EXOC4: variants seen among roughly 807,000 people sequenced by gnomAD.
The protein encoded by EXOC4 is SEC8-like 1.
In EXOC4, 71 loss-of-function variants were observed where a neutral mutation model predicts 107.2. The observed-to-expected ratio is 0.66, with a 90% confidence interval of 0.55 to 0.81. EXOC4 has a LOEUF of 0.81. Among genes scored for constraint, EXOC4 ranks in the 30% least tolerant of loss-of-function variants. EXOC4 has a pLI of 0.00. For synonymous variants in EXOC4, 456 were observed against 441.2 expected (o/e 1.03, Z -0.42); for missense variants, 1,108 against 1,189.6 (o/e 0.93, Z 1.01).
At chr7:133,634,613 C>T (rs1029460533) in intron 10 of EXOC4, among the ~76,000 whole-genome samples, 5 of 152,164 alleles carry the variant, frequency 3.3e-5, no homozygotes, top group Admixed American at 2.0e-4. Context: ...CCTCAGCCTC[C>T]CAGATAGCTG....
intron 10 of EXOC4, among the ~76,000 whole-genome samples, chr7:133,707,036 T>C (rs1794782752): frequency 6.6e-6 from 1 of 151,946 alleles, no homozygotes; most frequent in African/African-American, 2.4e-5. Context: ...CCAGAGCTCT[T>C]GTAAGACATG....
At chr7:133,659,584 C>T (rs998579413) in intron 10 of EXOC4, among the ~76,000 whole-genome samples, 1 of 152,148 alleles carries the variant, frequency 6.6e-6, no homozygotes, top group Non-Finnish European at 1.5e-5. Flanking sequence ...GCATCAAAAT[C>T]AGCAGGGGTT....
intron 11 of EXOC4, among the ~76,000 whole-genome samples, chr7:133,817,905 T>A (rs1797413119): frequency 6.6e-6 from 1 of 152,232 alleles, no homozygotes. Context: ...GAAGCTATGA[T>A]GCCCAACTTC....
chr7:133,778,000 C>G (rs1796381947), intron 10 of EXOC4, among the ~76,000 whole-genome samples: 1 of 152,184 alleles, frequency 6.6e-6, no homozygotes, highest in African/African-American at 2.4e-5. Context: ...TAGTAACATT[C>G]ATTCTCCGTC....
At position 134,000,890 on chromosome 7, in the gene EXOC4, A is replaced by C. The variant is rs1359656507; in HGVS notation, c.2348+3257A>C. On this transcript the variant is annotated intron_variant, in intron 15 of 17. Transcript: ENST00000253861. ...AAAGTCCAGAACAACTTCAGATGCC[A>C]AAAATTGGTCTTGTTCCCCCAAATA... Among the ~76,000 whole-genome samples the C allele has an allele frequency of 2.0e-5, 3 of 152,210 alleles. No homozygotes were observed. The East Asian group carries it at 5.8e-4, about 29-fold the overall frequency.
intron 9 of EXOC4, chr7:133,576,480 C>G (rs879221300): frequency 7.8e-7 from 1 of 1,279,480 alleles, no homozygotes; most frequent in African/African-American, 1.5e-5. Flanking sequence ...GGGCATCTGT[C>G]GGTTGCATTT....
At chr7:133,278,398 TAC>T (rs956139276) in intron 2 of EXOC4, among the ~76,000 whole-genome samples, 8 of 152,120 alleles carry the variant, frequency 5.3e-5, no homozygotes, top group African/African-American at 1.9e-4. Context: ...TAAGAAGTGC[TAC>T]ACACACCCCC....
chr7:133,529,758 G>A (rs1475899421), intron 9 of EXOC4, among the ~76,000 whole-genome samples: 1 of 152,216 alleles, frequency 6.6e-6, no homozygotes, highest in African/African-American at 2.4e-5. Flanking sequence ...CAAAAAGAAA[G>A]ATAAGAGGAA....
intron 17 of EXOC4, among the ~76,000 whole-genome samples, chr7:134,036,183 C>T (rs1461279024): frequency 2.0e-5 from 3 of 152,078 alleles, no homozygotes; most frequent in African/African-American, 4.8e-5. Context: ...TAATGACAAA[C>T]GTAATTCAGA....
Position 133,475,398 on chromosome 7 carries a change from A to C in EXOC4, c.1253A>C (p.Tyr418Ser), listed in dbSNP as rs768596052. 4 of 1,614,126 alleles carry C rather than the reference A, an allele frequency of 2.5e-6. No individual in the cohort carries two copies. In the Admixed American group the frequency reaches 5.0e-5, roughly 20 times the overall value. ...TCTGAACCATCAGCTCAACTAAGCT[A>C]TGCCAGCACTGGACGAGAGTTTGCA... is the stretch of plus-strand genomic sequence containing the variant. Reference protein sequence around the residue: ...TASEPSAQLSYASTGREFAAF... With the variant: ...TASEPSAQLSSASTGREFAAF... The change falls in exon 8 of 18, where the codon TAT becomes TCT. Residue 418 changes from tyrosine to serine, a missense_variant. Transcript: ENST00000253861.
chr7:133,401,818 C>T (rs1053230341), intron 7 of EXOC4, among the ~76,000 whole-genome samples: 2 of 151,832 alleles, frequency 1.3e-5, no homozygotes, highest in Non-Finnish European at 2.9e-5. Context: ...ACCTTTTAAT[C>T]TATTCCTGAA....
In EXOC4 at chr7:133,569,146, A is replaced by G. The variant is rs139622888; in HGVS notation, c.1418-60899A>G. Among the ~76,000 whole-genome samples, 44 of 131,940 alleles carry G rather than the reference A, an allele frequency of 3.3e-4. 1 individual carries two copies. In the East Asian group the frequency reaches 9.1e-3, roughly 27 times the overall value. The allele number at this position is 131,940 out of a possible 152,430, so 86.6% of individuals were successfully genotyped here. On this transcript the variant is annotated intron_variant, in intron 9 of 17. Transcript: ENST00000253861. ...CCTTTGAGAAAAAAAAGAATAATTA[A>G]TAAAGATTTTTTTTTAAAAGGCCAG...
intron 1 of EXOC4, among the ~76,000 whole-genome samples, chr7:133,269,791 G>A (rs1362857485): frequency 6.6e-6 from 1 of 152,148 alleles, no homozygotes; most frequent in Non-Finnish European, 1.5e-5. Flanking sequence ...TTGGAAGTAT[G>A]TTGTATTCAC....
At chr7:133,755,493 G>A (rs1196234474) in intron 10 of EXOC4, among the ~76,000 whole-genome samples, 3 of 149,028 alleles carry the variant, frequency 2.0e-5, no homozygotes, top group East Asian at 2.0e-4. Context: ...ACAGGTGCAC[G>A]CCAGCACGCT....
rs185240584 is a variant in EXOC4 at position 133,983,163 on chromosome 7, A to G, written c.2207-14329A>G. Among the ~76,000 whole-genome samples the G allele has an allele frequency of 2.8e-4, 43 of 152,274 alleles. No individual in the cohort carries two copies. In the East Asian group the frequency reaches 7.5e-3, roughly 27 times the overall value. On this transcript the variant is annotated intron_variant, in intron 14 of 17. Coordinates refer to ENST00000253861, the MANE Select transcript of EXOC4 (RefSeq NM_021807.4). ...GCTGGATATTCACACGCTTTAAACAACCAGATCTTGCAAGAACTCACTCAC... is the reference window on the plus strand; with the variant it reads ...GCTGGATATTCACACGCTTTAAACAGCCAGATCTTGCAAGAACTCACTCAC...
chr7:133,783,085 T>A (rs1796500565), intron 10 of EXOC4, among the ~76,000 whole-genome samples: 1 of 152,338 alleles, frequency 6.6e-6, no homozygotes, highest in Admixed American at 6.5e-5. Flanking sequence ...GGTAATATAA[T>A]GTATATAGCA....
intron 11 of EXOC4, among the ~76,000 whole-genome samples, chr7:133,861,389 A>T (rs569906215): frequency 6.6e-6 from 1 of 152,292 alleles, no homozygotes; most frequent in African/African-American, 2.4e-5. Flanking sequence ...AAACCTGCAC[A>T]TGTGCCCCTG....
intron 10 of EXOC4, among the ~76,000 whole-genome samples, chr7:133,663,907 C>T (rs1793753378): frequency 6.6e-6 from 1 of 152,082 alleles, no homozygotes; most frequent in Non-Finnish European, 1.5e-5. Flanking sequence ...GAGTAAAAGC[C>T]AGAATTATTT....
At chr7:133,771,971 G>A (rs568420808) in intron 10 of EXOC4, among the ~76,000 whole-genome samples, 15 of 151,928 alleles carry the variant, frequency 9.9e-5, no homozygotes, top group Admixed American at 9.2e-4. Flanking sequence ...TAGGCCCCAG[G>A]CTCTGACATG....
Sources: allele counts gnomAD v4.1 joint callset (sites outside exome capture counted in the v4.1 genomes callset), GRCh38; gene constraint gnomAD v4.1.1; transcripts MANE v1.5; gene names NCBI Gene and HGNC (gene_info 2026-07-23, HGNC 2026-07-21).